Variants in NFXL1 observed in about 807,000 individuals in gnomAD.
NFXL1 encodes the protein NF-X1-type zinc finger protein NFXL1.
NFXL1 carries 66 observed loss-of-function variants against 123.3 expected under a neutral mutation model. The observed-to-expected ratio is 0.54, with a 90% CI of 0.44 to 0.66. NFXL1 has a LOEUF of 0.66. Ranked by LOEUF, NFXL1 falls within the 30% of genes least tolerant of loss-of-function variation. The probability of loss-of-function intolerance (pLI) is 0.00; values close to 1 mark genes in which losing one functional copy is unlikely to be tolerated. For synonymous variants in NFXL1, 346 were observed against 360.8 expected (o/e 0.96, Z 0.46); for missense variants, 944 against 1,125.6 (o/e 0.84, Z 2.31).
intron 2 of NFXL1, among the ~76,000 whole-genome samples, chr4:47,912,042 G>T (rs1004303756): frequency 6.6e-6 from 1 of 152,146 alleles, no homozygotes; most frequent in Non-Finnish European, 1.5e-5. Flanking sequence ...ATTCGTACTT[G>T]ATTATGTTCC....
At chr4:47,905,167 G>A (rs190264015) in intron 4 of NFXL1, 70 bp downstream of exon 4, 177 of 585,566 alleles carry the variant, frequency 3.0e-4, no homozygotes, top group African/African-American at 2.7e-3. Flanking sequence ...ATAATAAATC[G>A]TTAAGTATTG....
At chr4:47,879,984 T>C (rs558093240) in intron 15 of NFXL1, among the ~76,000 whole-genome samples, 6 of 152,218 alleles carry the variant, frequency 3.9e-5, no homozygotes, top group African/African-American at 1.4e-4. Flanking sequence ...ATCTGGGTAA[T>C]TTGGGTTTAA....
At chr4:47,907,357 T>A (rs1033086021) in intron 3 of NFXL1, among the ~76,000 whole-genome samples, 3 of 152,190 alleles carry the variant, frequency 2.0e-5, no homozygotes, top group African/African-American at 7.2e-5. Flanking sequence ...TGTAGTGCTA[T>A]TAAGATTAAG....
At chr4:47,881,826 G>A (rs1214874902) in intron 15 of NFXL1, among the ~76,000 whole-genome samples, 3 of 152,136 alleles carry the variant, frequency 2.0e-5, no homozygotes, top group African/African-American at 7.2e-5. Context: ...TTCTGGAAAA[G>A]GCAAAACTAC....
At chr4:47,875,906 G>A (rs952513572) in intron 17 of NFXL1, among the ~76,000 whole-genome samples, 1 of 152,062 alleles carries the variant, frequency 6.6e-6, no homozygotes, top group Non-Finnish European at 1.5e-5. Context: ...CTTTTCTCTA[G>A]TGATTTAATA....
chr4:47,901,010 C>A (rs962690697), intron 5 of NFXL1, among the ~76,000 whole-genome samples: 7 of 152,026 alleles, frequency 4.6e-5, no homozygotes, highest in Non-Finnish European at 7.4e-5. Context: ...GTATGGATGA[C>A]TAATAGGCAA....
chr4:47,894,172 A>G lies in NFXL1; in HGVS notation c.1452+8T>C, dbSNP rs1306688398. ...TAAATCAGAGGTTTCCAAGGTTAAT[A>G]CACAAACCTTTCTTCTACATTGATG... On this transcript the variant is annotated splice_region_variant and intron_variant, in intron 11 of 22. Transcript: ENST00000507489. The G allele has an allele frequency of 6.3e-7, 1 of 1,591,712 alleles. No homozygotes were observed. Among genetic ancestry groups the G allele is most frequent in the Non-Finnish European group, 8.6e-7 (1 of 1,169,356 alleles).
chr4:47,885,948 T>C lies in NFXL1; in HGVS notation c.1595A>G (p.Asn532Ser), dbSNP rs776500855. 5.0e-6 allele frequency: 8 copies of C among 1,613,692 alleles called. No individual in the cohort carries two copies. In the East Asian group the frequency reaches 1.8e-4, roughly 36 times the overall value. ...ETVDVKCNCG[N>S]TKVTVPCGRE... Reference sequence around the variant, plus strand: ...GCCACAGGGCACTGTCACCTTTGTATTGCCACAATTACACTTCACATCTAC... The same window carrying C: ...GCCACAGGGCACTGTCACCTTTGTACTGCCACAATTACACTTCACATCTAC... Residue 532 changes from asparagine to serine, a missense_variant, in exon 13 of 23, where the codon AAT becomes AGT. By Grantham distance (46) the Asn-to-Ser change is conservative. Transcript: ENST00000507489.
intron 20 of NFXL1, among the ~76,000 whole-genome samples, chr4:47,853,904 G>C (rs1464848999): frequency 6.6e-6 from 1 of 152,100 alleles, no homozygotes; most frequent in East Asian, 1.9e-4. Context: ...TGTGACTAGA[G>C]ACAAGGAAAT....
chr4:47,910,395 T>G (rs1475779562), intron 3 of NFXL1, among the ~76,000 whole-genome samples: 2 of 151,734 alleles, frequency 1.3e-5, no homozygotes, highest in East Asian at 3.9e-4. Context: ...AGATATAAAA[T>G]AAGGAAATAA....
intron 11 of NFXL1, 75 bp downstream of exon 11, chr4:47,894,105 G>T: frequency 9.4e-7 from 1 of 1,063,510 alleles, no homozygotes; most frequent in Non-Finnish European, 1.4e-6. Flanking sequence ...ATTCAAGACA[G>T]CACTTATTTG....
At chr4:47,872,948 C>A (rs562876057) in intron 18 of NFXL1, among the ~76,000 whole-genome samples, 2 of 152,284 alleles carry the variant, frequency 1.3e-5, no homozygotes, top group South Asian at 4.1e-4. Context: ...CACAGTAGAA[C>A]TTCTTTCAAA....
At chr4:47,909,602 A>G (rs1737731085) in intron 3 of NFXL1, among the ~76,000 whole-genome samples, 1 of 152,152 alleles carries the variant, frequency 6.6e-6, no homozygotes, top group Non-Finnish European at 1.5e-5. Context: ...ACAATATGAC[A>G]TATCTACAAA....
intron 15 of NFXL1, 24 bp downstream of exon 15, chr4:47,884,322 T>G: frequency 7.1e-7 from 1 of 1,409,308 alleles, no homozygotes; most frequent in Non-Finnish European, 9.8e-7. Flanking sequence ...GTTTTTTTTT[T>G]TTAATTGAAA....
At chr4:47,884,305 G>GTTTTT in intron 15 of NFXL1, 41 bp downstream of exon 15, 2 of 1,210,384 alleles carry the variant, frequency 1.7e-6, no homozygotes, top group Non-Finnish European at 2.4e-6. Flanking sequence ...TATGTCAAAA[G>GTTTTT]TTTTTTGTTT....
At chr4:47,848,705 T>C (rs1733948506) in intron 22 of NFXL1, among the ~76,000 whole-genome samples, 1 of 151,872 alleles carries the variant, frequency 6.6e-6, no homozygotes, top group Non-Finnish European at 1.5e-5. Flanking sequence ...CTGGCTAACA[T>C]GGTGAAACCC....
chr4:47,875,359 G>T, intron 17 of NFXL1, 66 bp from the exon 18 acceptor site: 2 of 1,216,792 alleles, frequency 1.6e-6, no homozygotes, highest in South Asian at 1.6e-5. Context: ...ATATGTTACA[G>T]TTATAAAATT....
chr4:47,877,656 A>T (rs551597047), intron 17 of NFXL1, among the ~76,000 whole-genome samples: 1 of 152,222 alleles, frequency 6.6e-6, no homozygotes, highest in East Asian at 1.9e-4. Context: ...CAATGAAGAA[A>T]TTAAAAGCAA....
At chr4:47,887,237 G>A (rs894676351) in intron 12 of NFXL1, among the ~76,000 whole-genome samples, 2 of 152,130 alleles carry the variant, frequency 1.3e-5, no homozygotes, top group African/African-American at 2.4e-5. Context: ...AGGAAGAAGA[G>A]TTTTCAATGA....
Sources: gnomAD v4.1 joint callset for allele counts (sites outside exome capture counted in the v4.1 genomes callset) on GRCh38, gnomAD v4.1.1 for gene constraint, MANE v1.5 for transcripts, NCBI Gene and HGNC (gene_info 2026-07-23, HGNC 2026-07-21) for gene names.